Variants in ALCAM observed in about 807,000 individuals in gnomAD.
ALCAM encodes the protein CD166 antigen.
ALCAM carries 30 observed loss-of-function variants against 70.9 expected under a neutral mutation model. That is an observed-to-expected ratio of 0.42 (90% CI 0.32 to 0.57). The LOEUF (loss-of-function observed/expected upper bound fraction) is 0.57, where lower values mean the gene tolerates loss of function less well. Among genes scored for constraint, ALCAM ranks in the 20% least tolerant of loss-of-function variants. The probability of loss-of-function intolerance (pLI) is 0.11; values close to 1 mark genes in which losing one functional copy is unlikely to be tolerated. For synonymous variants in ALCAM, 249 were observed against 242.5 expected (o/e 1.03, Z -0.25); for missense variants, 591 against 695.1 (o/e 0.85, Z 1.68).
At chr3:105,537,419 A>G (rs1313108518) in intron 6 of ALCAM, among the ~76,000 whole-genome samples, 2 of 152,066 alleles carry the variant, frequency 1.3e-5, no homozygotes, top group Non-Finnish European at 2.9e-5. Context: ...ATGTGACAAA[A>G]ACTTCTCAGT....
intron 2 of ALCAM, among the ~76,000 whole-genome samples, chr3:105,520,552 T>A (rs1939508838): frequency 6.6e-6 from 1 of 152,198 alleles, no homozygotes; most frequent in Admixed American, 6.5e-5. Flanking sequence ...ACAAGATATA[T>A]CAGTAGATAG....
At chr3:105,562,954 C>T (rs999595311) in intron 14 of ALCAM, among the ~76,000 whole-genome samples, 7 of 151,994 alleles carry the variant, frequency 4.6e-5, no homozygotes, top group East Asian at 1.9e-4. Context: ...TACAGGCATG[C>T]GCCACCACGC....
chr3:105,416,596 C>A (rs1163528342), intron 1 of ALCAM, among the ~76,000 whole-genome samples: 1 of 151,864 alleles, frequency 6.6e-6, no homozygotes, highest in African/African-American at 2.4e-5. Flanking sequence ...CCGTATTGCT[C>A]CTCATCCTGT....
intron 1 of ALCAM, among the ~76,000 whole-genome samples, chr3:105,517,995 T>C (rs994092822): frequency 5.3e-5 from 8 of 152,126 alleles, no homozygotes; most frequent in South Asian, 2.1e-4. Flanking sequence ...TTGAAATTCA[T>C]AGAGCTTTAA....
At chr3:105,382,393 TA>T (rs1559771736) in intron 1 of ALCAM, among the ~76,000 whole-genome samples, 1 of 152,048 alleles carries the variant, frequency 6.6e-6, no homozygotes, top group Non-Finnish European at 1.5e-5. Flanking sequence ...AGTGCCACAA[TA>T]AACATACATG....
chr3:105,429,043 A>G (rs1357620044), intron 1 of ALCAM, among the ~76,000 whole-genome samples: 1 of 152,038 alleles, frequency 6.6e-6, no homozygotes, highest in Non-Finnish European at 1.5e-5. Context: ...GTCAGAATCA[A>G]TAATCTATGC....
At chr3:105,539,575 C>G (rs1344116731) in intron 6 of ALCAM, among the ~76,000 whole-genome samples, 1 of 152,070 alleles carries the variant, frequency 6.6e-6, no homozygotes, top group East Asian at 1.9e-4. Flanking sequence ...ACAGTGGCAT[C>G]TAATAGCTTT....
chr3:105,386,894 C>T (rs1486694666), intron 1 of ALCAM, among the ~76,000 whole-genome samples: 1 of 151,434 alleles, frequency 6.6e-6, no homozygotes, highest in Non-Finnish European at 1.5e-5. Flanking sequence ...GATCTTAACT[C>T]TTTCATCTGA....
intron 2 of ALCAM, among the ~76,000 whole-genome samples, chr3:105,522,403 A>C (rs569349527): frequency 6.6e-6 from 1 of 152,346 alleles, no homozygotes; most frequent in South Asian, 2.1e-4. Flanking sequence ...TCTTGATTGC[A>C]GAAATGCTAA....
At chr3:105,490,567 T>C (rs1387036996) in intron 1 of ALCAM, among the ~76,000 whole-genome samples, 2 of 152,158 alleles carry the variant, frequency 1.3e-5, no homozygotes, top group Non-Finnish European at 2.9e-5. Flanking sequence ...GTTGTTTGTG[T>C]GCTGTTTGGG....
intron 1 of ALCAM, among the ~76,000 whole-genome samples, chr3:105,434,686 T>C (rs75129106): frequency 1.3e-5 from 2 of 152,230 alleles, no homozygotes; most frequent in African/African-American, 4.8e-5. Context: ...TTAGATAAAT[T>C]ATGTTTCACT....
intron 1 of ALCAM, among the ~76,000 whole-genome samples, chr3:105,463,893 A>G (rs970534697): frequency 6.6e-6 from 1 of 151,598 alleles, no homozygotes. Flanking sequence ...ATTACTTTAT[A>G]TGGGTGATTG....
chr3:105,427,161 G>C (rs1019033237), intron 1 of ALCAM, among the ~76,000 whole-genome samples: 1 of 151,902 alleles, frequency 6.6e-6, no homozygotes, highest in Non-Finnish European at 1.5e-5. Flanking sequence ...TGGAGAGAAA[G>C]AAAACACAGG....
chr3:105,503,748 G>A (rs182081355), intron 1 of ALCAM, among the ~76,000 whole-genome samples: 48 of 152,132 alleles, frequency 3.2e-4, no homozygotes, highest in East Asian at 1.9e-4. Flanking sequence ...TCTTTCCCAG[G>A]TGCCTTTCCT....
intron 1 of ALCAM, among the ~76,000 whole-genome samples, chr3:105,488,900 A>G (rs1938506163): frequency 6.6e-6 from 1 of 152,194 alleles, no homozygotes; most frequent in Non-Finnish European, 1.5e-5. Flanking sequence ...TTGAACCTGG[A>G]TGATTTATAA....
At chr3:105,487,547 T>G (rs1162386471) in intron 1 of ALCAM, among the ~76,000 whole-genome samples, 3 of 152,046 alleles carry the variant, frequency 2.0e-5, no homozygotes, top group African/African-American at 7.2e-5. Context: ...AAAATGAAAA[T>G]GGACAAGTAA....
rs557902333 is a variant in ALCAM at position 105,536,324 on chromosome 3, C to T, written c.730+1479C>T. Among the ~76,000 whole-genome samples the T allele has an allele frequency of 2.9e-4, 44 of 152,164 alleles. No homozygotes were observed. The South Asian group carries it at 8.5e-3, about 29-fold the overall frequency. On this transcript the variant is annotated intron_variant, in intron 6 of 15. Coordinates refer to ENST00000306107, the MANE Select transcript of ALCAM (RefSeq NM_001627.4). ...GGTCAGGTTGGTCTCGAACTCCTGA[C>T]CTCAGGTGATCTGCCCACCTCAGCC...
rs1047884220 is a variant in ALCAM at position 105,375,836 on chromosome 3, C to T, written c.73+8355C>T. 3.4e-4 allele frequency among the ~76,000 whole-genome samples: 52 copies of T among 152,066 alleles called. 1 individual carries two copies. Among genetic ancestry groups the T allele is most frequent in the East Asian group, 7.7e-4 (4 of 5,184 alleles). Reference sequence around the variant, plus strand: ...ACTAAGTTGTATCAGTCAGAAAAGGCGACCTGATGTGGCCACCAACAGTAT... The same window carrying T: ...ACTAAGTTGTATCAGTCAGAAAAGGTGACCTGATGTGGCCACCAACAGTAT... On this transcript the variant is annotated intron_variant, in intron 1 of 15. Coordinates refer to ENST00000306107, the MANE Select transcript of ALCAM (RefSeq NM_001627.4).
At chr3:105,434,023 G>A (rs1272478341) in intron 1 of ALCAM, among the ~76,000 whole-genome samples, 2 of 152,122 alleles carry the variant, frequency 1.3e-5, no homozygotes, top group East Asian at 3.8e-4. Flanking sequence ...CACTAAGGGG[G>A]ATATAGGAAA....
Sources: allele counts gnomAD v4.1 joint callset (sites outside exome capture counted in the v4.1 genomes callset), GRCh38; gene constraint gnomAD v4.1.1; transcripts MANE v1.5; gene names NCBI Gene and HGNC (gene_info 2026-07-23, HGNC 2026-07-21).